TDRD9: variants seen among roughly 807,000 people sequenced by gnomAD.
The protein encoded by TDRD9 is tudor domain containing 9, also known as ATP-dependent RNA helicase TDRD9.
TDRD9 carries 124 observed loss-of-function variants against 172.6 expected under a neutral mutation model. The ratio of observed to expected loss-of-function variants is 0.72; its 90% confidence interval spans 0.62 to 0.83. TDRD9 has a LOEUF of 0.83. Among genes scored for constraint, TDRD9 ranks in the 40% least tolerant of loss-of-function variants. The pLI is 0.00. For synonymous variants in TDRD9, 619 were observed against 617.1 expected (o/e 1.00, Z -0.05); for missense variants, 1,479 against 1,714.1 (o/e 0.86, Z 2.42).
intron 4 of TDRD9, 27 bp downstream of exon 4, chr14:103,965,581 AAG>A: frequency 6.6e-7 from 1 of 1,509,862 alleles, no homozygotes; most frequent in Non-Finnish European, 9.0e-7. Flanking sequence ...GGGAGGGACT[AAG>A]AGAGCCAGCT....
At chr14:104,042,298 G>T (rs2035633626) in intron 34 of TDRD9, 111 bp downstream of exon 34, 1 of 743,732 alleles carries the variant, frequency 1.3e-6, no homozygotes, top group East Asian at 2.7e-5. Flanking sequence ...ATCACCTGAA[G>T]TGGAGTGCCA....
chr14:104,018,558 G>A (rs7149117), intron 23 of TDRD9, among the ~76,000 whole-genome samples: 143,770 of 152,248 alleles, frequency 0.94, 68,424 homozygotes, highest in East Asian at 1. Context: ...GGCCATGAAG[G>A]TGATCCAAAA....
At position 103,998,729 on chromosome 14, in the gene TDRD9, G is replaced by GTA; in HGVS notation, c.1483+2_1483+3dup. 6.7e-7 allele frequency: 1 copy of GTA among 1,501,672 alleles called. No individual in the cohort carries two copies. The highest frequency in any genetic ancestry group is 9.3e-7 in the Non-Finnish European group (1 of 1,077,928). The allele number at this position is 1,501,672 out of a possible 1,614,324, so 93.0% of individuals were successfully genotyped here. On this transcript the variant is annotated splice_donor_variant, in intron 13 of 35. Coordinates refer to ENST00000409874, the MANE Select transcript of TDRD9 (RefSeq NM_153046.3). LOFTEE classifies it high-confidence loss of function. ...AAAACCAGCTGTAATCAGAGAAAAG[G>GTA]TAAGACATTTGTGTTAAAGCACAAT...
intron 2 of TDRD9, among the ~76,000 whole-genome samples, chr14:103,962,870 C>T (rs922389800): frequency 2.6e-5 from 4 of 152,122 alleles, no homozygotes; most frequent in Middle Eastern, 6.8e-3. Context: ...TTTTCTTTAT[C>T]CAATCCACCA....
intron 3 of TDRD9, among the ~76,000 whole-genome samples, chr14:103,963,879 A>G (rs2032619684): frequency 6.6e-6 from 1 of 152,224 alleles, no homozygotes; most frequent in South Asian, 2.1e-4. Flanking sequence ...TGTTAGAAGG[A>G]TAAGAGCTTA....
At chr14:104,011,214 C>T (rs2034602878) in intron 20 of TDRD9, among the ~76,000 whole-genome samples, 1 of 152,150 alleles carries the variant, frequency 6.6e-6, no homozygotes, top group Non-Finnish European at 1.5e-5. Flanking sequence ...GCCACGTGTT[C>T]TTAGAATAAA....
At chr14:103,964,470 T>C (rs1027339631) in intron 3 of TDRD9, among the ~76,000 whole-genome samples, 3 of 152,216 alleles carry the variant, frequency 2.0e-5, no homozygotes, top group Admixed American at 6.5e-5. Context: ...GGAGTTAACC[T>C]GGCCTGGTTT....
intron 1 of TDRD9, among the ~76,000 whole-genome samples, chr14:103,949,606 T>G (rs1201008184): frequency 6.6e-6 from 1 of 152,204 alleles, no homozygotes; most frequent in Non-Finnish European, 1.5e-5. Flanking sequence ...CCTCATATAT[T>G]TGTGATTGCA....
intron 9 of TDRD9, among the ~76,000 whole-genome samples, chr14:103,992,560 A>G (rs2033905569): frequency 6.6e-6 from 1 of 152,132 alleles, no homozygotes; most frequent in Non-Finnish European, 1.5e-5. Flanking sequence ...CTGGCTTAAG[A>G]ACACCTAACA....
chr14:103,930,992 T>G (rs1476186506), intron 1 of TDRD9, among the ~76,000 whole-genome samples: 1 of 152,096 alleles, frequency 6.6e-6, no homozygotes, highest in East Asian at 1.9e-4. Flanking sequence ...CTAATCGCAG[T>G]TAAAAAATTA....
rs1035213895 is a variant in TDRD9 at position 103,934,372 on chromosome 14, C to A, written c.215+5648C>A. The stretch of plus-strand genomic sequence containing the variant: ...CAGATTTCATTTATTCAGTAATTTT[C>A]CCATTGATTAAAAAAGTGCTGGTGC... On this transcript the variant is annotated intron_variant, in intron 1 of 35. Transcript: ENST00000409874. Among the ~76,000 whole-genome samples the A allele has an allele frequency of 1.4e-4, 22 of 152,154 alleles. 1 individual carries two copies. The highest frequency in any genetic ancestry group is 1.3e-3 in the Admixed American group (20 of 15,270).
chr14:104,014,682 A>G (rs767625554), intron 20 of TDRD9, 43 bp from the exon 21 acceptor site: 2 of 1,146,028 alleles, frequency 1.7e-6, no homozygotes, highest in South Asian at 1.2e-5. Flanking sequence ...CTCTGATGAC[A>G]TATGTACCTT....
At chr14:103,938,440 A>ATATAT (rs1334417901) in intron 1 of TDRD9, among the ~76,000 whole-genome samples, 2 of 44,548 alleles carry the variant, frequency 4.5e-5, no homozygotes, top group Admixed American at 4.9e-4. Flanking sequence ...ATATATATAT[A>ATATAT]TTTTTTTTTT....
At chr14:103,983,760 A>G (rs900272745) in intron 7 of TDRD9, among the ~76,000 whole-genome samples, 1 of 152,202 alleles carries the variant, frequency 6.6e-6, no homozygotes, top group Non-Finnish European at 1.5e-5. Flanking sequence ...TGTGGAAGCC[A>G]CTTTGGAACT....
At chr14:103,957,817 G>C (rs559459057) in intron 2 of TDRD9, among the ~76,000 whole-genome samples, 18 of 152,188 alleles carry the variant, frequency 1.2e-4, no homozygotes, top group Admixed American at 1.3e-4. Flanking sequence ...GGCCTGTAGC[G>C]TGCCGGATGG....
chr14:104,032,611 C>A (rs1284596991), intron 30 of TDRD9, among the ~76,000 whole-genome samples: 4 of 152,206 alleles, frequency 2.6e-5, no homozygotes, highest in Non-Finnish European at 5.9e-5. Context: ...TTTTGAGTAT[C>A]TTTTATCAAA....
At chr14:103,975,112 G>A (rs112488775) in intron 6 of TDRD9, among the ~76,000 whole-genome samples, 17 of 152,118 alleles carry the variant, frequency 1.1e-4, no homozygotes, top group African/African-American at 3.9e-4. Context: ...GTCTCCTGAT[G>A]CAAAGTTTTC....
chr14:104,000,283 GCA>G lies in TDRD9; in HGVS notation c.1483+1561_1483+1562del, dbSNP rs201105000. ...GTAGAGGTTGAAGTGAGCTGAGATC[GCA>G]CACACTGTACTCCAGCCTAGGTGAC... is the stretch of plus-strand genomic sequence containing the variant. On this transcript the variant is annotated intron_variant, in intron 13 of 35. Transcript: ENST00000409874. 4.7e-3 allele frequency among the ~76,000 whole-genome samples: 676 copies of G among 142,652 alleles called. 7 individuals carry two copies. Among genetic ancestry groups the G allele is most frequent in the African/African-American group, 0.018 (649 of 36,890 alleles). The allele number at this position is 142,652 out of a possible 152,430, so 93.6% of individuals were successfully genotyped here. A position where few individuals can be genotyped will look rare whatever the true frequency, so the allele number is the denominator to read the frequency against.
rs1236004313 is a variant in TDRD9 at position 103,928,501 on chromosome 14, G to A, written c.-9G>A. On this transcript the variant is annotated 5_prime_UTR_variant, in exon 1 of 36. Transcript: ENST00000409874. ...GCAGTTGGGGGATGCCGACGCCTGG[G>A]CCTTGAGGATGCTGCGGAAGCTCAC... 18 of 1,429,222 alleles carry A rather than the reference G, an allele frequency of 1.3e-5. No individual in the cohort carries two copies. The highest frequency in any genetic ancestry group is 1.7e-5 in the Non-Finnish European group (18 of 1,081,376). 88.5% of individuals were successfully genotyped at this position (1,429,222 alleles called of 1,614,324 possible).
Sources: allele counts gnomAD v4.1 joint callset (sites outside exome capture counted in the v4.1 genomes callset), GRCh38; gene constraint gnomAD v4.1.1; transcripts MANE v1.5; gene names NCBI Gene and HGNC (gene_info 2026-07-23, HGNC 2026-07-21).